DLGAP2: variants seen among roughly 807,000 people sequenced by gnomAD.
DLGAP2 encodes DLG associated protein 2, also known as disks large-associated protein 2.
In DLGAP2, 26 loss-of-function variants were observed where a neutral mutation model predicts 100.3. That is an observed-to-expected ratio of 0.26 (90% CI 0.19 to 0.36). The LOEUF is 0.36. Ranked by LOEUF, DLGAP2 falls within the 10% of genes least tolerant of loss-of-function variation. The pLI, the probability that DLGAP2 is intolerant of heterozygous loss-of-function variation, is 1.00. For missense variants in DLGAP2, 1,858 were observed against 1,453.2 expected (o/e 1.28, Z -4.53); for synonymous variants, 886 against 630.1 (o/e 1.41, Z -6.08).
intron 6 of DLGAP2, among the ~76,000 whole-genome samples, chr8:1,595,030 G>T (rs1360768031): frequency 6.6e-6 from 1 of 151,772 alleles, no homozygotes; most frequent in Non-Finnish European, 1.5e-5. Context: ...CAGCTCCTGG[G>T]GTTTCTTTTT....
chr8:1,369,043 G>A (rs1167068672), intron 3 of DLGAP2: 2 of 152,210 alleles, frequency 1.3e-5, no homozygotes, highest in Non-Finnish European at 2.9e-5. Context: ...CACTGAGCTA[G>A]TTCCCGCACA....
At chr8:862,025 A>T (rs1797401515) in intron 1 of DLGAP2, among the ~76,000 whole-genome samples, 2 of 152,216 alleles carry the variant, frequency 1.3e-5, no homozygotes, top group Non-Finnish European at 2.9e-5. Context: ...AAGAAATTCC[A>T]ACCTTCTGCA....
intron 1 of DLGAP2, among the ~76,000 whole-genome samples, chr8:833,957 G>A (rs1266989264): frequency 6.6e-6 from 1 of 152,198 alleles, no homozygotes; most frequent in Non-Finnish European, 1.5e-5. Flanking sequence ...TCAGTGGGAC[G>A]AGAATTCGTG....
In DLGAP2 at chr8:1,705,496, G is replaced by C. The variant is rs1184174700; in HGVS notation, c.*4090G>C. On this transcript the variant is annotated 3_prime_UTR_variant, in exon 15 of 15. Transcript: ENST00000637795. ...GAACCTGGGAAAGGCAGCGGGAAAT[G>C]TGTGAGAGGGTGTGCGCTGGTACGG... 6.6e-6 allele frequency: 1 copy of C among 152,310 alleles called. No homozygotes were observed. Among genetic ancestry groups the C allele is most frequent in the African/African-American group, 2.4e-5 (1 of 41,474 alleles). 9.4% of individuals were successfully genotyped at this position (152,310 alleles called of 1,614,324 possible).
intron 10 of DLGAP2, among the ~76,000 whole-genome samples, chr8:1,675,508 A>G (rs1279527899): frequency 6.6e-6 from 1 of 152,236 alleles, no homozygotes. Context: ...AATCTGAGCC[A>G]GTCCTCGTTG....
chr8:1,626,757 C>G lies in DLGAP2; in HGVS notation c.1460C>G (p.Ala487Gly), dbSNP rs1453271359. The G allele has an allele frequency of 1.9e-6, 3 of 1,603,500 alleles. No homozygotes were observed. Among genetic ancestry groups the G allele is most frequent in the African/African-American group, 1.3e-5 (1 of 74,812 alleles). The change falls in exon 7 of 15, where the codon GCT becomes GGT. Residue 487 changes from alanine to glycine, a missense_variant. Physicochemically the swap from Ala to Gly is moderately conservative, Grantham distance 60 (BLOSUM62 0). Coordinates refer to ENST00000637795, the MANE Select transcript of DLGAP2 (RefSeq NM_001346810.2). ...GEHQTQTYLQAASDVPVGHSL... is the reference protein window; with the variant it reads ...GEHQTQTYLQGASDVPVGHSL... ...TCCTGTAGCCAGACCTACCTGCAAG[C>G]TGCAAGCGATGTGCCTGTGGGACAC... is the stretch of plus-strand genomic sequence containing the variant.
At chr8:1,258,688 C>G (rs1422867629) in intron 2 of DLGAP2, among the ~76,000 whole-genome samples, 163 bp from the exon 3 acceptor site, 1 of 152,176 alleles carries the variant, frequency 6.6e-6, no homozygotes, top group Non-Finnish European at 1.5e-5. Flanking sequence ...TGCTGGCGTG[C>G]AAGGCCAGAG....
chr8:1,060,196 AC>A (rs1755495457), intron 2 of DLGAP2, among the ~76,000 whole-genome samples: 1 of 152,158 alleles, frequency 6.6e-6, no homozygotes, highest in Admixed American at 6.5e-5. Context: ...CATGAAGACC[AC>A]AGACTGGGTG....
At chr8:979,296 G>T (rs977696501) in intron 2 of DLGAP2, among the ~76,000 whole-genome samples, 7 of 152,208 alleles carry the variant, frequency 4.6e-5, no homozygotes, top group African/African-American at 1.7e-4. Context: ...ACATCCGAAG[G>T]AGTGGGAAAA....
chr8:1,312,765 G>A (rs1400692394), intron 3 of DLGAP2, among the ~76,000 whole-genome samples: 2 of 152,170 alleles, frequency 1.3e-5, no homozygotes, highest in African/African-American at 4.8e-5. Context: ...TCCCATAGAA[G>A]TGCCCATATG....
intron 3 of DLGAP2, among the ~76,000 whole-genome samples, chr8:1,442,489 G>T (rs1053737089): frequency 8.6e-5 from 13 of 150,466 alleles, no homozygotes; most frequent in Admixed American, 2.6e-4. Flanking sequence ...TTCAGCCACT[G>T]GGGGAGACGG....
chr8:842,464 T>G (rs1797000470), intron 1 of DLGAP2, among the ~76,000 whole-genome samples: 1 of 152,246 alleles, frequency 6.6e-6, no homozygotes. Flanking sequence ...CATCTTTCTG[T>G]CTCAACGCCA....
chr8:1,298,653 G>T (rs974031600), intron 3 of DLGAP2, among the ~76,000 whole-genome samples: 5 of 152,152 alleles, frequency 3.3e-5, no homozygotes, highest in Admixed American at 2.0e-4. Context: ...GGACGGCTCA[G>T]CAGGCACCTC....
chr8:1,458,097 G>A (rs57173033), intron 3 of DLGAP2, among the ~76,000 whole-genome samples: 9,757 of 147,658 alleles, frequency 0.066, 559 homozygotes, highest in East Asian at 0.27. Flanking sequence ...TAGTAGAGAC[G>A]GGGTTTCACC....
intron 2 of DLGAP2, among the ~76,000 whole-genome samples, chr8:1,061,648 C>T (rs1803086668): frequency 1.3e-5 from 2 of 152,216 alleles, no homozygotes; most frequent in Non-Finnish European, 1.5e-5. Flanking sequence ...AGAGAGCGAG[C>T]GTCCCTGTGG....
At chr8:1,688,157 ACC>A (rs1046460151) in intron 12 of DLGAP2, 4 of 151,536 alleles carry the variant, frequency 2.6e-5, no homozygotes, top group African/African-American at 9.7e-5. Flanking sequence ...CCCCAGACTC[ACC>A]CCAACTCAGA....
chr8:948,849 G>A (rs1473150920), intron 2 of DLGAP2, among the ~76,000 whole-genome samples: 1 of 152,258 alleles, frequency 6.6e-6, no homozygotes, highest in African/African-American at 2.4e-5. Context: ...GGCGCGTCCT[G>A]GCCTGAAGCC....
rs773138776 is a variant in DLGAP2 at position 1,548,458 on chromosome 8, GAAAAAAAAAAAAAAAAAAAA to G, written c.173-161_173-142del. Reference sequence around the variant, plus strand: ...TGGGCGACAGAGCGAGACTGTCTCAGAAAAAAAAAAAAAAAAAAAAAAAAAACCCACAAATCTGCCCTCTC... The same window carrying G: ...TGGGCGACAGAGCGAGACTGTCTCAGAAAAAACCCACAAATCTGCCCTCTC... On this transcript the variant is annotated intron_variant, in intron 4 of 14. Coordinates refer to ENST00000637795, the MANE Select transcript of DLGAP2 (RefSeq NM_001346810.2). 2.1e-3 allele frequency among the ~76,000 whole-genome samples: 89 copies of G among 41,578 alleles called. 1 individual carries two copies. Among genetic ancestry groups the G allele is most frequent in the Non-Finnish European group, 1.3e-4 (3 of 23,594 alleles). 27.3% of individuals were successfully genotyped at this position (41,578 alleles called of 152,430 possible).
chr8:1,672,266 G>A (rs1203299991), intron 10 of DLGAP2, among the ~76,000 whole-genome samples: 3 of 133,858 alleles, frequency 2.2e-5, no homozygotes, highest in Non-Finnish European at 3.1e-5. Context: ...TCACTCTGTT[G>A]CCCAGGCTGA....
Sources: gnomAD v4.1 joint callset for allele counts (sites outside exome capture counted in the v4.1 genomes callset) on GRCh38, gnomAD v4.1.1 for gene constraint, MANE v1.5 for transcripts, NCBI Gene and HGNC (gene_info 2026-07-23, HGNC 2026-07-21) for gene names.